ADAMTS16: variants seen among roughly 807,000 people sequenced by gnomAD.
The protein encoded by ADAMTS16 is ADAM metallopeptidase with thrombospondin type 1 motif 16, also known as A disintegrin and metalloproteinase with thrombospondin motifs 16.
In ADAMTS16, 94 loss-of-function variants were observed where a neutral mutation model predicts 145.8. That is an observed-to-expected ratio of 0.64 (90% confidence interval 0.55 to 0.77). ADAMTS16 has a LOEUF of 0.77. ADAMTS16 is among the 30% of genes least tolerant of loss of function. The pLI is 0.00. For missense variants in ADAMTS16, 1,585 were observed against 1,591.5 expected (o/e 1.00, Z 0.07); for synonymous variants, 659 against 604.3 (o/e 1.09, Z -1.33).
intron 3 of ADAMTS16, among the ~76,000 whole-genome samples, chr5:5,164,880 G>C (rs1158374331): frequency 6.6e-6 from 1 of 152,098 alleles, no homozygotes; most frequent in Non-Finnish European, 1.5e-5. Flanking sequence ...GTTTTGCCAT[G>C]TTAGTCAGGA....
chr5:5,260,872 T>G (rs1737989243), intron 17 of ADAMTS16, among the ~76,000 whole-genome samples: 1 of 152,184 alleles, frequency 6.6e-6, no homozygotes, highest in East Asian at 1.9e-4. Context: ...CATGAGGGAT[T>G]TTTGTGCCTC....
intron 8 of ADAMTS16, among the ~76,000 whole-genome samples, chr5:5,198,503 G>C (rs1346461): frequency 0.9 from 136,520 of 152,140 alleles, 61,265 homozygotes; most frequent in Admixed American, 0.92. Context: ...CAGCTAGGCT[G>C]TGACATCAAA....
Position 5,187,816 on chromosome 5 carries a change from A to T in ADAMTS16, c.1047+8A>T, listed in dbSNP as rs554888512. ...CTTCTAGAAGATGAACAGGTAGTTTATCTTTGAAACTATCTACTCTTTTTA... is the reference window on the plus strand; with the variant it reads ...CTTCTAGAAGATGAACAGGTAGTTTTTCTTTGAAACTATCTACTCTTTTTA... On this transcript the variant is annotated splice_region_variant and intron_variant, in intron 6 of 22. Coordinates refer to ENST00000274181, the MANE Select transcript of ADAMTS16 (RefSeq NM_139056.4). 17 of 1,548,822 alleles carry T rather than the reference A, an allele frequency of 1.1e-5. No individual in the cohort carries two copies. The Middle Eastern group carries it at 1.0e-3, about 91-fold the overall frequency.
Position 5,239,732 on chromosome 5 carries a change from A to G in ADAMTS16, c.2330A>G (p.Tyr777Cys), listed in dbSNP as rs1579333912. 9 of 1,614,172 alleles carry G rather than the reference A, an allele frequency of 5.6e-6. No individual in the cohort carries two copies. Among genetic ancestry groups the G allele is most frequent in the Non-Finnish European group, 7.6e-6 (9 of 1,180,030 alleles). Residue 777 changes from tyrosine to cysteine, a missense_variant, in exon 16 of 23, where the codon TAT becomes TGT. Physicochemically the swap from Tyr to Cys is radical, Grantham distance 194. Coordinates refer to ENST00000274181, the MANE Select transcript of ADAMTS16 (RefSeq NM_139056.4). The stretch of plus-strand genomic sequence containing the variant: ...TCTGGAGCCCGGAGTATCCGCATCT[A>G]TGAAATGAACGTCTCTACCTCCTAC... ...IPSGARSIRIYEMNVSTSYIS... is the reference protein window; with the variant it reads ...IPSGARSIRICEMNVSTSYIS...
intron 18 of ADAMTS16, among the ~76,000 whole-genome samples, chr5:5,297,728 T>C (rs1739600128): frequency 6.6e-6 from 1 of 152,152 alleles, no homozygotes. Context: ...CTCCTCACAG[T>C]CCCTGAAGAT....
intron 22 of ADAMTS16, 99 bp from the exon 23 acceptor site, chr5:5,318,924 G>C: frequency 1.2e-6 from 1 of 853,844 alleles, no homozygotes; most frequent in Non-Finnish European, 1.9e-6. Flanking sequence ...GCCGCAGAGC[G>C]TGACAAATTC....
At chr5:5,286,085 T>C (rs1193187041) in intron 18 of ADAMTS16, among the ~76,000 whole-genome samples, 1 of 152,220 alleles carries the variant, frequency 6.6e-6, no homozygotes. Context: ...GAATGAATCA[T>C]TATAAATGCT....
At chr5:5,235,279 A>G in intron 13 of ADAMTS16, 93 bp downstream of exon 13, 7 of 1,278,836 alleles carry the variant, frequency 5.5e-6, no homozygotes, top group Non-Finnish European at 7.1e-6. Context: ...TGCACAAATA[A>G]ACCAGACGTC....
At chr5:5,199,329 C>T (rs1735894993) in intron 8 of ADAMTS16, among the ~76,000 whole-genome samples, 1 of 152,184 alleles carries the variant, frequency 6.6e-6, no homozygotes, top group Non-Finnish European at 1.5e-5. Flanking sequence ...ATTAAGGGTT[C>T]CTATAGCTGC....
chr5:5,146,539 C>T (rs1734302331), intron 3 of ADAMTS16, 84 bp downstream of exon 3: 8 of 1,363,410 alleles, frequency 5.9e-6, no homozygotes, highest in South Asian at 2.7e-5. Flanking sequence ...CCCTCGATTT[C>T]GCATAGATGT....
At chr5:5,291,196 A>ATT (rs200773832) in intron 18 of ADAMTS16, among the ~76,000 whole-genome samples, 2 of 150,386 alleles carry the variant, frequency 1.3e-5, no homozygotes, top group African/African-American at 2.4e-5. Context: ...TGTCTCTGTG[A>ATT]TTTTTTTTTT....
At chr5:5,150,989 C>T (rs1734438324) in intron 3 of ADAMTS16, among the ~76,000 whole-genome samples, 1 of 152,090 alleles carries the variant, frequency 6.6e-6, no homozygotes, top group Non-Finnish European at 1.5e-5. Flanking sequence ...CTCTGAGGCT[C>T]CATTCATTTT....
At position 5,220,968 on chromosome 5, in the gene ADAMTS16, C is replaced by G. The variant is rs193217877; in HGVS notation, c.1606-1821C>G. 3.9e-5 allele frequency among the ~76,000 whole-genome samples: 6 copies of G among 152,212 alleles called. No individual in the cohort carries two copies. In the East Asian group the frequency reaches 9.7e-4, roughly 25 times the overall value. ...CATTCATTCCTTAGGTATGCATGCT[C>G]AGCCTCCTGAAGCAGGAGGTCTCTA... On this transcript the variant is annotated intron_variant, in intron 10 of 22. Transcript: ENST00000274181.
chr5:5,306,457 A>G (rs754380205), intron 20 of ADAMTS16, 47 bp from the exon 21 acceptor site: 1 of 1,569,260 alleles, frequency 6.4e-7, no homozygotes, highest in Non-Finnish European at 8.7e-7. Flanking sequence ...AGATTTTGCA[A>G]AAAAAGAGAT....
intron 20 of ADAMTS16, among the ~76,000 whole-genome samples, chr5:5,304,958 C>T (rs1739971259): frequency 7.3e-6 from 1 of 137,530 alleles, no homozygotes; most frequent in Non-Finnish European, 1.6e-5. Context: ...CACACACATC[C>T]CACACCACAC....
Position 5,309,390 on chromosome 5 carries a change from T to A in ADAMTS16, c.3411+2662T>A, listed in dbSNP as rs74928419. Among the ~76,000 whole-genome samples, 1,401 of 152,334 alleles carry A rather than the reference T, an allele frequency of 9.2e-3. 27 individuals carry two copies. Among genetic ancestry groups the A allele is most frequent in the African/African-American group, 0.031 (1,306 of 41,584 alleles). ...TGATTTGGTTGGTTGATTTCAGGGA[T>A]GTGCAACCCACAGATAAGGAGGGCT... On this transcript the variant is annotated intron_variant, in intron 21 of 22. Coordinates refer to ENST00000274181, the MANE Select transcript of ADAMTS16 (RefSeq NM_139056.4).
intron 3 of ADAMTS16, among the ~76,000 whole-genome samples, chr5:5,157,119 TA>T (rs1734623386): frequency 6.6e-6 from 1 of 152,048 alleles, no homozygotes; most frequent in Non-Finnish European, 1.5e-5. Flanking sequence ...TTTTTTTTTT[TA>T]GGAAGAACAG....
intron 3 of ADAMTS16, among the ~76,000 whole-genome samples, chr5:5,159,662 T>G (rs1734691310): frequency 6.6e-6 from 1 of 152,230 alleles, no homozygotes; most frequent in African/African-American, 2.4e-5. Flanking sequence ...GGCAATAGGA[T>G]TAGAATGTAT....
At chr5:5,303,117 A>T in intron 18 of ADAMTS16, 151 bp from the exon 19 acceptor site, 1 of 784,926 alleles carries the variant, frequency 1.3e-6, no homozygotes, top group Non-Finnish European at 1.9e-6. Context: ...CTCCGGTAGG[A>T]ATGCTCACCC....
Sources: allele counts gnomAD v4.1 joint callset (sites outside exome capture counted in the v4.1 genomes callset), GRCh38; gene constraint gnomAD v4.1.1; transcripts MANE v1.5; gene names NCBI Gene and HGNC (gene_info 2026-07-23, HGNC 2026-07-21).